Variants in MEI4 observed in about 807,000 individuals in gnomAD.
MEI4 encodes the protein meiosis-specific protein MEI4.
A neutral mutation model predicts 31.4 loss-of-function variants in MEI4; 27 were observed. That is an observed-to-expected ratio of 0.86 (90% confidence interval 0.63 to 1.19). The LOEUF is 1.19. Among genes scored for constraint, MEI4 ranks in the 50% most tolerant of loss-of-function variants. The pLI, the probability that MEI4 is intolerant of heterozygous loss-of-function variation, is 0.00. For missense variants in MEI4, 329 were observed against 398.9 expected (o/e 0.82, Z 1.49); for synonymous variants, 122 against 145.4 (o/e 0.84, Z 1.16).
intron 3 of MEI4, among the ~76,000 whole-genome samples, chr6:77,787,140 G>A (rs1224896027): frequency 6.6e-6 from 1 of 151,860 alleles, no homozygotes; most frequent in Admixed American, 6.6e-5. Context: ...TGCAGACTTT[G>A]ATCTGAACTG....
chr6:77,738,366 G>A (rs1477636409), intron 2 of MEI4, among the ~76,000 whole-genome samples: 1 of 152,178 alleles, frequency 6.6e-6, no homozygotes, highest in Non-Finnish European at 1.5e-5. Flanking sequence ...AGTTAGAAGA[G>A]TGATGCAAAT....
At chr6:77,817,385 G>C (rs576091598) in intron 3 of MEI4, among the ~76,000 whole-genome samples, 1 of 152,060 alleles carries the variant, frequency 6.6e-6, no homozygotes, top group South Asian at 2.1e-4. Flanking sequence ...TAATATCCAG[G>C]GTGACCTTTG....
intron 2 of MEI4, among the ~76,000 whole-genome samples, chr6:77,710,010 TGA>T (rs1240798378): frequency 6.6e-6 from 1 of 152,038 alleles, no homozygotes. Flanking sequence ...TCTGCTAGGG[TGA>T]GAGATACAGT....
At chr6:77,851,142 T>G (rs574764060) in intron 4 of MEI4, among the ~76,000 whole-genome samples, 337 of 152,190 alleles carry the variant, frequency 2.2e-3, no homozygotes, top group African/African-American at 7.4e-3. Flanking sequence ...AAACAACAGG[T>G]GCTGGAGAGG....
chr6:77,877,770 T>C (rs118027536), intron 4 of MEI4, among the ~76,000 whole-genome samples: 3,877 of 146,278 alleles, frequency 0.027, 71 homozygotes, highest in Non-Finnish European at 0.038. Flanking sequence ...GAAAAGGCGC[T>C]AGAAGATGTG....
At position 77,706,424 on chromosome 6, in the gene MEI4, A is replaced by G. The variant is rs182954269; in HGVS notation, c.232+15521A>G. Among the ~76,000 whole-genome samples, 368 of 152,298 alleles carry G rather than the reference A, an allele frequency of 2.4e-3. 5 individuals carry two copies. Among genetic ancestry groups the G allele is most frequent in the African/African-American group, 7.7e-3 (318 of 41,556 alleles). ...ATCATTTTTGTTCAATTACATTTCT[A>G]TATGGCTGTCCATTCTGCATCAAAC... is the stretch of plus-strand genomic sequence containing the variant. On this transcript the variant is annotated intron_variant, in intron 2 of 4. Coordinates refer to ENST00000684080, the MANE Select transcript of MEI4 (RefSeq NM_001322247.2).
At chr6:77,857,173 C>G (rs1267950835) in intron 4 of MEI4, among the ~76,000 whole-genome samples, 3 of 152,134 alleles carry the variant, frequency 2.0e-5, no homozygotes, top group African/African-American at 7.2e-5. Context: ...ATATTTCACA[C>G]AGCCTGGATA....
chr6:77,745,934 C>T (rs1309012637), intron 2 of MEI4, among the ~76,000 whole-genome samples: 1 of 151,936 alleles, frequency 6.6e-6, no homozygotes, highest in Non-Finnish European at 1.5e-5. Flanking sequence ...AGAACAAAGA[C>T]ACAACATACC....
At chr6:77,775,514 T>G (rs1398465201) in intron 3 of MEI4, among the ~76,000 whole-genome samples, 1 of 152,150 alleles carries the variant, frequency 6.6e-6, no homozygotes, top group Admixed American at 6.6e-5. Context: ...TGCCATTATT[T>G]CATTCCTTTT....
At chr6:77,769,086 G>T (rs1018040407) in intron 3 of MEI4, among the ~76,000 whole-genome samples, 2 of 152,224 alleles carry the variant, frequency 1.3e-5, no homozygotes, top group Admixed American at 1.3e-4. Flanking sequence ...TTACATTAAG[G>T]AAAGAGGCAT....
rs533103423 is a variant in MEI4, at chr6:77,672,835, T to G, written c.-14-17823T>G. Among the ~76,000 whole-genome samples the G allele has an allele frequency of 4.6e-5, 7 of 152,294 alleles. No individual in the cohort carries two copies. The South Asian group carries it at 1.2e-3, about 27-fold the overall frequency. On this transcript the variant is annotated intron_variant, in intron 1 of 4. Coordinates refer to ENST00000684080, the MANE Select transcript of MEI4 (RefSeq NM_001322247.2). ...TTACAGGCGTGAGCCACCACGCCCA[T>G]CCTACATTCTGTTTTAAGTGAGAAG... is the stretch of plus-strand genomic sequence containing the variant.
intron 1 of MEI4, among the ~76,000 whole-genome samples, chr6:77,688,622 A>G (rs961198796): frequency 6.6e-6 from 1 of 152,102 alleles, no homozygotes; most frequent in African/African-American, 2.4e-5. Context: ...TGTTTTTATT[A>G]TCCAGAGAAC....
At chr6:77,816,426 G>A (rs59830866) in intron 3 of MEI4, among the ~76,000 whole-genome samples, 2,882 of 152,172 alleles carry the variant, frequency 0.019, 66 homozygotes, top group East Asian at 0.088. Flanking sequence ...GGAGGACTGG[G>A]ATTTAGTCAT....
At chr6:77,665,482 C>A (rs1259422871) in intron 1 of MEI4, among the ~76,000 whole-genome samples, 1 of 151,712 alleles carries the variant, frequency 6.6e-6, no homozygotes, top group Admixed American at 6.6e-5. Context: ...GCCCCTGCCC[C>A]AGGAAAGCAG....
chr6:77,704,848 T>G (rs1013130665), intron 2 of MEI4, among the ~76,000 whole-genome samples: 7 of 151,956 alleles, frequency 4.6e-5, no homozygotes, highest in African/African-American at 1.7e-4. Flanking sequence ...GTGCAGTAAA[T>G]TAAGAGGGAT....
intron 4 of MEI4, among the ~76,000 whole-genome samples, chr6:77,916,003 A>G (rs1014522219): frequency 2.0e-5 from 3 of 151,884 alleles, no homozygotes; most frequent in East Asian, 1.9e-4. Flanking sequence ...CAAAAAACCT[A>G]TTTTCAAGTT....
intron 2 of MEI4, among the ~76,000 whole-genome samples, chr6:77,714,052 A>G (rs1334056436): frequency 6.6e-6 from 1 of 152,162 alleles, no homozygotes; most frequent in Non-Finnish European, 1.5e-5. Context: ...ATGTCCCTAC[A>G]AAAGACATGA....
chr6:77,666,048 A>G (rs192434641), intron 1 of MEI4, among the ~76,000 whole-genome samples: 6 of 152,320 alleles, frequency 3.9e-5, no homozygotes, highest in East Asian at 1.9e-4. Flanking sequence ...TGTGTGAGCA[A>G]TAAAGCTGTT....
chr6:77,732,418 G>A (rs1195771006), intron 2 of MEI4, among the ~76,000 whole-genome samples: 1 of 151,892 alleles, frequency 6.6e-6, no homozygotes, highest in African/African-American at 2.4e-5. Context: ...CTCATGATTT[G>A]GCTCTATGTT....
Sources: gnomAD v4.1 joint callset for allele counts (sites outside exome capture counted in the v4.1 genomes callset) on GRCh38, gnomAD v4.1.1 for gene constraint, MANE v1.5 for transcripts, NCBI Gene and HGNC (gene_info 2026-07-23, HGNC 2026-07-21) for gene names.